SGO2: variants seen among roughly 807,000 people sequenced by gnomAD.
SGO2 encodes shugoshin-like 2.
SGO2 carries 68 observed loss-of-function variants against 99.5 expected under a neutral mutation model. That is an observed-to-expected ratio of 0.68 (90% CI 0.56 to 0.84). The LOEUF is 0.84. Ranked by LOEUF, SGO2 falls within the 40% of genes least tolerant of loss-of-function variation. The pLI is 0.00. For synonymous variants in SGO2, 457 were observed against 487.1 expected, an observed-to-expected ratio of 0.94 and a Z score of 0.81; for missense variants, 1,350 against 1,436.7, an observed-to-expected ratio of 0.94 and a Z score of 0.97.
rs370663180 is a variant in SGO2, at chr2:200,572,560, A to C, written c.2214A>C (p.Thr738=). ...HLDNDKSIEY[T]VKSHSLFLTQ... ...ATAATGACAAAAGTATAGAATACAC[A>C]GTTAAAAGTCACTCACTCTTTTTAA... Residue 738 remains threonine (T), a synonymous_variant, in exon 7 of 9, where the codon ACA becomes ACC. Coordinates refer to ENST00000357799, the MANE Select transcript of SGO2 (RefSeq NM_152524.6). 24 of 1,611,890 alleles carry C rather than the reference A, an allele frequency of 1.5e-5. No homozygotes were observed. In the African/African-American group the frequency reaches 2.7e-4, roughly 18 times the overall value.
chr2:200,566,642 T>G (rs527691763), intron 5 of SGO2, among the ~76,000 whole-genome samples: 1 of 152,296 alleles, frequency 6.6e-6, no homozygotes, highest in Admixed American at 6.5e-5. Context: ...CTGCTGCCTT[T>G]TGTTCAGCTA....
In SGO2 at chr2:200,572,188, G is replaced by T. The variant is rs895299715; in HGVS notation, c.1842G>T (p.Lys614Asn). ...AATCAAACATTAATAAGCTTAGAAA[G>T]AAAGTAAACCGGAAGACAGAAATAA... ...QNESNINKLR[K>N]KVNRKTEIIS... Residue 614 changes from lysine (K) to asparagine (N), a missense_variant, in exon 7 of 9, where the codon AAG becomes AAT. Transcript: ENST00000357799. 12 of 1,612,258 alleles carry T rather than the reference G, an allele frequency of 7.4e-6. No individual in the cohort carries two copies. The highest frequency in any genetic ancestry group is 1.0e-5 in the Non-Finnish European group (12 of 1,179,400).
Position 200,573,991 on chromosome 2 carries a change from C to T in SGO2, c.3631+14C>T, listed in dbSNP as rs1256336365. 7 of 1,515,610 alleles carry T rather than the reference C, an allele frequency of 4.6e-6. No individual in the cohort carries two copies. The highest frequency in any genetic ancestry group is 2.8e-5 in the African/African-American group (2 of 71,384). The allele number at this position is 1,515,610 out of a possible 1,614,324, so 93.9% of individuals were successfully genotyped here. On this transcript the variant is annotated intron_variant, in intron 7 of 8. Coordinates refer to ENST00000357799, the MANE Select transcript of SGO2 (RefSeq NM_152524.6). ...AATCAGGAATAGGTAGGTTAATAAC[C>T]ATTATGAAATGATAAAGTTTTAGAA...
intron 5 of SGO2, among the ~76,000 whole-genome samples, chr2:200,547,782 A>T (rs551450518): frequency 4.6e-5 from 7 of 152,110 alleles, no homozygotes; most frequent in Non-Finnish European, 7.4e-5. Context: ...GCAAAGACAC[A>T]TATAGACAAA....
At chr2:200,562,653 G>A (rs1271447815) in intron 5 of SGO2, among the ~76,000 whole-genome samples, 3 of 152,242 alleles carry the variant, frequency 2.0e-5, no homozygotes, top group Admixed American at 6.5e-5. Context: ...TGGGCAGTAT[G>A]GCCATTTTCA....
intron 5 of SGO2, among the ~76,000 whole-genome samples, chr2:200,566,357 G>T (rs903361712): frequency 6.6e-5 from 10 of 152,168 alleles, no homozygotes; most frequent in African/African-American, 2.2e-4. Flanking sequence ...GTTTGCCTGG[G>T]TATCACCAGT....
At chr2:200,549,534 A>G (rs967630982) in intron 5 of SGO2, among the ~76,000 whole-genome samples, 1 of 152,186 alleles carries the variant, frequency 6.6e-6, no homozygotes, top group Non-Finnish European at 1.5e-5. Flanking sequence ...ATTCAACAAC[A>G]CATTAAAAAG....
rs200071837 is a variant in SGO2, at chr2:200,571,602, A to T, written c.1256A>T (p.Asn419Ile). The T allele has an allele frequency of 1.5e-4, 240 of 1,612,448 alleles. 1 individual carries two copies. The African/African-American group carries it at 2.8e-3, about 19-fold the overall frequency. ...KRERSKRQFK[N>I]SSDVDIGEKI... ...GAAAGATCAAAGAGACAGTTTAAAA[A>T]TAGTTCAGATGTCGATATTGGGGAA... The change falls in exon 7 of 9, where the codon AAT (asparagine) becomes ATT (isoleucine). Residue 419 changes from asparagine to isoleucine, a missense_variant. By Grantham distance (149) the Asn-to-Ile change is moderately radical (BLOSUM62 -3). Transcript: ENST00000357799.
chr2:200,545,732 T>C lies in SGO2; in HGVS notation c.473+3068T>C, dbSNP rs1050518969. On this transcript the variant is annotated intron_variant, in intron 5 of 8. Coordinates refer to ENST00000357799, the MANE Select transcript of SGO2 (RefSeq NM_152524.6). ...TGCCAGGCCCGAACTATGTGGAAAA[T>C]CTCCCCTCAACTCACAGTTTCTATA... Among the ~76,000 whole-genome samples, 6 of 151,848 alleles carry C rather than the reference T, an allele frequency of 4.0e-5. No homozygotes were observed. In the East Asian group the frequency reaches 1.2e-3, roughly 29 times the overall value.
intron 5 of SGO2, among the ~76,000 whole-genome samples, chr2:200,553,120 G>T (rs1191684358): frequency 2.6e-5 from 4 of 152,168 alleles, no homozygotes; most frequent in Non-Finnish European, 5.9e-5. Context: ...ACAGTATGGT[G>T]AGGACCATTC....
intron 8 of SGO2, among the ~76,000 whole-genome samples, chr2:200,577,149 A>G (rs2033695458): frequency 6.6e-6 from 1 of 152,112 alleles, no homozygotes; most frequent in African/African-American, 2.4e-5. Flanking sequence ...CATGCTTACC[A>G]ACGATGATGA....
At chr2:200,564,311 G>C (rs192950745) in intron 5 of SGO2, among the ~76,000 whole-genome samples, 1 of 152,092 alleles carries the variant, frequency 6.6e-6, no homozygotes, top group Non-Finnish European at 1.5e-5. Flanking sequence ...CCTTCATTTC[G>C]TTATGTACCC....
At position 200,570,182 on chromosome 2, in the gene SGO2, A is replaced by G. The variant is rs760859307; in HGVS notation, c.703+290A>G. The G allele has an allele frequency of 2.4e-5, 9 of 368,374 alleles. No homozygotes were observed. Among genetic ancestry groups the G allele is most frequent in the East Asian group, 2.0e-4 (5 of 25,220 alleles). The allele number at this position is 368,374 out of a possible 1,614,324, so 22.8% of individuals were successfully genotyped here. A position where few individuals can be genotyped will look rare whatever the true frequency, so the allele number is the denominator to read the frequency against. Reference sequence around the variant, plus strand: ...CTTAGCTTATGATTTGAAAGATACCATATATTTACTTAGTTTTACCCTCTT... The same window carrying G: ...CTTAGCTTATGATTTGAAAGATACCGTATATTTACTTAGTTTTACCCTCTT... On this transcript the variant is annotated intron_variant, in intron 6 of 8. Coordinates refer to ENST00000357799, the MANE Select transcript of SGO2 (RefSeq NM_152524.6). This position sits in a 1 kb window ranked among gnomAD's most constrained non-coding sequence, Gnocchi z 4.4.
At chr2:200,529,558 T>C (rs938130376) in intron 1 of SGO2, among the ~76,000 whole-genome samples, 1 of 152,238 alleles carries the variant, frequency 6.6e-6, no homozygotes, top group Non-Finnish European at 1.5e-5. Context: ...AGTCTCACTC[T>C]GTCACCCAGG....
At chr2:200,539,340 G>C (rs1473226066) in intron 4 of SGO2, among the ~76,000 whole-genome samples, 1 of 151,846 alleles carries the variant, frequency 6.6e-6, no homozygotes, top group Non-Finnish European at 1.5e-5. Flanking sequence ...TTTTAATTTT[G>C]TCTGTGTTGC....
At chr2:200,533,323 A>G in intron 2 of SGO2, 1 of 388,932 alleles carries the variant, frequency 2.6e-6, no homozygotes, top group Non-Finnish European at 4.5e-6. Context: ...TTGAATTTTC[A>G]GCAGTGAGGC....
chr2:200,563,709 GC>G (rs2033068841), intron 5 of SGO2, among the ~76,000 whole-genome samples: 1 of 152,076 alleles, frequency 6.6e-6, no homozygotes, highest in South Asian at 2.1e-4. Flanking sequence ...TGGTTGGTAG[GC>G]TATTAATTAT....
chr2:200,532,453 C>T (rs894475694), intron 1 of SGO2: 5 of 984,074 alleles, frequency 5.1e-6, no homozygotes, highest in Middle Eastern at 1.0e-3. Context: ...TTCTCCTCTG[C>T]ATTGTGTATT....
intron 2 of SGO2, among the ~76,000 whole-genome samples, chr2:200,533,541 G>GTA (rs1241229470): frequency 1.2e-4 from 18 of 148,808 alleles, no homozygotes; most frequent in African/African-American, 4.5e-4. Context: ...GTGTGTGTGT[G>GTA]TGTGTGTATA....
Sources: gnomAD v4.1 joint callset for allele counts (sites outside exome capture counted in the v4.1 genomes callset) on GRCh38, gnomAD v4.1.1 for gene constraint, Gnocchi (gnomAD v3.1) non-coding constraint, MANE v1.5 for transcripts, NCBI Gene and HGNC (gene_info 2026-07-23, HGNC 2026-07-21) for gene names.